The following GDA variants were observed in gnomAD, a reference collection of about 807,000 sequenced individuals.
GDA encodes the protein cytoplasmic PSD-95 interactor.
GDA carries 18 observed loss-of-function variants against 59.6 expected under a neutral mutation model. The observed-to-expected ratio is 0.30, with a 90% confidence interval of 0.21 to 0.45. GDA has a LOEUF of 0.45. GDA is among the 20% of genes least tolerant of loss of function. The pLI is 1.00. For synonymous variants in GDA, 201 were observed against 201.1 expected (o/e 1.00, Z 0.00); for missense variants, 427 against 552.3 (o/e 0.77, Z 2.27).
At chr9:72,185,591 A>G (rs769716409) in intron 1 of GDA, among the ~76,000 whole-genome samples, 4 of 152,096 alleles carry the variant, frequency 2.6e-5, no homozygotes, top group Non-Finnish European at 5.9e-5. Context: ...GAGACCTCAT[A>G]TTTTTATCTG....
At chr9:72,141,140 T>C (rs1305362200) in intron 1 of GDA, among the ~76,000 whole-genome samples, 1 of 152,202 alleles carries the variant, frequency 6.6e-6, no homozygotes, top group East Asian at 1.9e-4. Context: ...TAATATTTAC[T>C]GATTCCCTAT....
intron 1 of GDA, among the ~76,000 whole-genome samples, chr9:72,156,529 T>G (rs1827910101): frequency 6.6e-6 from 1 of 152,204 alleles, no homozygotes; most frequent in African/African-American, 2.4e-5. Flanking sequence ...AGAAAGATGC[T>G]TTCACTCCCA....
downstream of GDA, among the ~76,000 whole-genome samples, chr9:72,254,977 C>T (rs1840852244): frequency 1.3e-5 from 2 of 152,156 alleles, no homozygotes; most frequent in Admixed American, 1.3e-4. Context: ...AGCACAGCAA[C>T]AGATAAAGGC....
chr9:72,182,028 G>GCA (rs1241746052), intron 1 of GDA, among the ~76,000 whole-genome samples: 3 of 151,746 alleles, frequency 2.0e-5, no homozygotes, highest in Non-Finnish European at 2.9e-5. Flanking sequence ...ACACATGCAC[G>GCA]CACACACACA....
intron 1 of GDA, among the ~76,000 whole-genome samples, chr9:72,169,228 T>C (rs1009623999): frequency 6.6e-6 from 1 of 152,204 alleles, no homozygotes; most frequent in Non-Finnish European, 1.5e-5. Context: ...TGACTAGTAA[T>C]TGATGAATGG....
chr9:72,179,061 T>TCC, intron 1 of GDA, among the ~76,000 whole-genome samples: 1 of 152,324 alleles, frequency 6.6e-6, no homozygotes, highest in South Asian at 2.1e-4. Flanking sequence ...CAGAGTTCTC[T>TCC]AAGAGCTCTC....
At chr9:72,122,872 C>G (rs1239248074) in intron 1 of GDA, among the ~76,000 whole-genome samples, 1 of 152,106 alleles carries the variant, frequency 6.6e-6, no homozygotes, top group East Asian at 1.9e-4. Context: ...TAAGCTCTGC[C>G]CAGCAGGTGG....
Position 72,132,596 on chromosome 9 carries a change from AT to A in GDA, c.-100+17766del, listed in dbSNP as rs201652094. ...TTTAAATCATGTCATCACTCTGAAG[AT>A]TTCCAAATCAGTCAAGAGGATGCTG... On this transcript the variant is annotated intron_variant, in intron 1 of 13. Transcript: ENST00000545168. 5.4e-3 allele frequency among the ~76,000 whole-genome samples: 825 copies of A among 152,294 alleles called. 8 individuals carry two copies. The highest frequency in any genetic ancestry group is 0.018 in the African/African-American group (750 of 41,550).
intron 1 of GDA, among the ~76,000 whole-genome samples, chr9:72,187,631 TGGAACTG>T (rs1340422101): frequency 6.6e-6 from 1 of 152,250 alleles, no homozygotes; most frequent in African/African-American, 2.4e-5. Flanking sequence ...CAAGTGGCTT[TGGAACTG>T]GGCAATGAGT....
chr9:72,230,285 G>A (rs1473762640), intron 9 of GDA, among the ~76,000 whole-genome samples: 1 of 152,092 alleles, frequency 6.6e-6, no homozygotes, highest in African/African-American at 2.4e-5. Flanking sequence ...CTGAGGTCAA[G>A]AGTTCGAGAC....
At chr9:72,235,887 T>G (rs1372017595) in intron 10 of GDA, among the ~76,000 whole-genome samples, 1 of 151,818 alleles carries the variant, frequency 6.6e-6, no homozygotes, top group Non-Finnish European at 1.5e-5. Context: ...AAGGAAAAAT[T>G]TAAACATATA....
chr9:72,170,728 T>TA (rs1829860517), intron 1 of GDA, among the ~76,000 whole-genome samples: 3 of 152,192 alleles, frequency 2.0e-5, no homozygotes, highest in Non-Finnish European at 4.4e-5. Flanking sequence ...GCTTGCTGTG[T>TA]ACCGGCCCAT....
intron 3 of GDA, among the ~76,000 whole-genome samples, chr9:72,207,858 A>C (rs1363381153): frequency 6.6e-6 from 1 of 152,104 alleles, no homozygotes; most frequent in Non-Finnish European, 1.5e-5. Flanking sequence ...CTATAATCCC[A>C]ACAACTTTGG....
At chr9:72,206,090 G>C (rs72727233) in intron 3 of GDA, among the ~76,000 whole-genome samples, 5,176 of 152,214 alleles carry the variant, frequency 0.034, 145 homozygotes, top group Non-Finnish European at 0.053. Flanking sequence ...TAAATGTAAT[G>C]TGTCATTTTT....
chr9:72,139,460 A>G (rs575477819), intron 1 of GDA, among the ~76,000 whole-genome samples: 1 of 152,334 alleles, frequency 6.6e-6, no homozygotes, highest in Non-Finnish European at 1.5e-5. Context: ...CCACACCTCT[A>G]ACCTGAATCC....
chr9:72,128,269 T>C (rs1351294312), intron 1 of GDA, among the ~76,000 whole-genome samples: 1 of 152,178 alleles, frequency 6.6e-6, no homozygotes, highest in Non-Finnish European at 1.5e-5. Flanking sequence ...TGTTTATTCG[T>C]TATTCTGTGT....
chr9:72,207,483 C>T (rs1834862251), intron 3 of GDA, among the ~76,000 whole-genome samples: 1 of 152,174 alleles, frequency 6.6e-6, no homozygotes, highest in African/African-American at 2.4e-5. Flanking sequence ...ATTTTTCATT[C>T]ATTTTATGTC....
chr9:72,228,985 G>T (rs541155595), intron 9 of GDA: 4 of 152,114 alleles, frequency 2.6e-5, no homozygotes, highest in African/African-American at 9.6e-5. Flanking sequence ...TAGATCTCAT[G>T]ATGCCAGTCC....
At chr9:72,195,863 G>C (rs1267233435) in intron 2 of GDA, among the ~76,000 whole-genome samples, 2 of 152,084 alleles carry the variant, frequency 1.3e-5, no homozygotes, top group Non-Finnish European at 2.9e-5. Context: ...GTCTGGAGGT[G>C]AAAAAGATCT....
Sources: allele counts gnomAD v4.1 joint callset (sites outside exome capture counted in the v4.1 genomes callset), GRCh38; gene constraint gnomAD v4.1.1; transcripts MANE v1.5; gene names NCBI Gene and HGNC (gene_info 2026-07-23, HGNC 2026-07-21).